Variants in DPYD observed in about 807,000 individuals in gnomAD.
DPYD encodes dihydropyrimidine dehydrogenase.
Under a neutral mutation model 116.2 loss-of-function variants are expected in DPYD, and 109 were observed. The observed-to-expected ratio is 0.94, with a 90% CI of 0.80 to 1.10. The LOEUF is 1.10. DPYD is among the 50% of genes least tolerant of loss of function. DPYD has a pLI of 0.00. For missense variants in DPYD, 1,302 were observed against 1,254.5 expected (o/e 1.04, Z -0.57); for synonymous variants, 440 against 432.0 (o/e 1.02, Z -0.23).
In DPYD at chr1:97,573,816, T is replaced by C. The variant is rs1653077353; in HGVS notation, c.1283A>G (p.His428Arg). The change falls in exon 11 of 23, where the codon CAT (histidine) becomes CGT (arginine). Residue 428 changes from histidine (H) to arginine (R), a missense_variant. By Grantham distance (29) the His-to-Arg change is conservative (BLOSUM62 0). Transcript: ENST00000370192. ...KWNEDEDQMVHLKADVVISAF... is the reference protein window; with the variant it reads ...KWNEDEDQMVRLKADVVISAF... ...ACTGATGACCACATCGGCTTTCAGA[T>C]GGACCATCTGATCTTCATCTTCATT... is the stretch of plus-strand genomic sequence containing the variant. 1 of 1,613,740 alleles carries C rather than the reference T, an allele frequency of 6.2e-7. No homozygotes were observed. Among genetic ancestry groups the C allele is most frequent in the Non-Finnish European group, 8.5e-7 (1 of 1,179,682 alleles).
chr1:97,397,511 C>T (rs1380098708), intron 14 of DPYD, among the ~76,000 whole-genome samples: 12 of 151,934 alleles, frequency 7.9e-5, no homozygotes, highest in Admixed American at 3.3e-4. Flanking sequence ...CTGTGCTCCA[C>T]CTATTCATTC....
chr1:97,452,696 G>T (rs899539388), intron 13 of DPYD, among the ~76,000 whole-genome samples: 2 of 151,992 alleles, frequency 1.3e-5, no homozygotes, highest in South Asian at 4.2e-4. Flanking sequence ...GTGAGTTCTT[G>T]TAAGATGTGG....
intron 21 of DPYD, among the ~76,000 whole-genome samples, chr1:97,082,877 T>C (rs1410723636): frequency 1.3e-5 from 2 of 152,136 alleles, no homozygotes; most frequent in African/African-American, 4.8e-5. Context: ...AAAGTTTAGA[T>C]TGCTCATAAT....
chr1:97,599,860 C>CAAAAAAAAAAAAAAAAAAAAAAAAAA (rs56940277), intron 8 of DPYD, among the ~76,000 whole-genome samples: 1 of 36,442 alleles, frequency 2.7e-5, no homozygotes, highest in Admixed American at 5.0e-4. Context: ...CCCATCTCCA[C>CAAAAAAAAAAAAAAAAAAAAAAAAAA]AAAAAAAAAA....
intron 14 of DPYD, among the ~76,000 whole-genome samples, chr1:97,415,362 C>A (rs1674235294): frequency 6.6e-6 from 1 of 152,198 alleles, no homozygotes. Context: ...GAGACTCACA[C>A]TGTCACCCAG....
intron 16 of DPYD, among the ~76,000 whole-genome samples, chr1:97,323,129 G>T (rs1338552982): frequency 6.7e-6 from 1 of 149,202 alleles, no homozygotes; most frequent in Non-Finnish European, 1.5e-5. Flanking sequence ...ATATATGTGT[G>T]TGTGTTTATG....
chr1:97,537,660 G>C (rs1302949874), intron 12 of DPYD, among the ~76,000 whole-genome samples: 3 of 140,510 alleles, frequency 2.1e-5, no homozygotes, highest in Non-Finnish European at 4.7e-5. Flanking sequence ...ATAATTGTCT[G>C]TTCTTGTTTG....
intron 16 of DPYD, among the ~76,000 whole-genome samples, chr1:97,316,261 G>A (rs1008166563): frequency 6.6e-6 from 1 of 151,568 alleles, no homozygotes; most frequent in Admixed American, 6.6e-5. Flanking sequence ...AGACTGAGGA[G>A]GGTGGATCAC....
chr1:97,821,289 A>G (rs116060669), intron 3 of DPYD, among the ~76,000 whole-genome samples: 2,011 of 149,212 alleles, frequency 0.013, 30 homozygotes, highest in Non-Finnish European at 0.022. Context: ...CGAGACCGCA[A>G]CAATGCACTC....
intron 18 of DPYD, among the ~76,000 whole-genome samples, chr1:97,245,254 T>C (rs1307486833): frequency 2.6e-5 from 4 of 152,094 alleles, no homozygotes; most frequent in Non-Finnish European, 5.9e-5. Context: ...GGTTAGATAA[T>C]GCATTACAAC....
chr1:97,860,230 C>T (rs774717826), intron 2 of DPYD, among the ~76,000 whole-genome samples: 10 of 152,074 alleles, frequency 6.6e-5, no homozygotes, highest in Non-Finnish European at 1.3e-4. Context: ...ATAGTCCCAG[C>T]TACCCCAGAG....
intron 3 of DPYD, chr1:97,797,049 T>C (rs1012747235): frequency 2.0e-5 from 3 of 152,188 alleles, no homozygotes; most frequent in Non-Finnish European, 4.4e-5. Context: ...ATCTGTTGAC[T>C]GAACTAGTTC....
At chr1:97,382,555 C>A in intron 14 of DPYD, 94 bp from the exon 15 acceptor site, 6 of 676,730 alleles carry the variant, frequency 8.9e-6, no homozygotes, top group Non-Finnish European at 6.9e-6. Flanking sequence ...TAATGGTAAA[C>A]TATATTATAA....
chr1:97,348,575 C>T (rs1215637320), intron 16 of DPYD, among the ~76,000 whole-genome samples: 1 of 152,084 alleles, frequency 6.6e-6, no homozygotes, highest in Non-Finnish European at 1.5e-5. Context: ...ATTCCTTTTT[C>T]CTGAATTTTG....
At chr1:97,729,296 A>G (rs946660942) in intron 4 of DPYD, among the ~76,000 whole-genome samples, 1 of 152,118 alleles carries the variant, frequency 6.6e-6, no homozygotes, top group East Asian at 1.9e-4. Context: ...TGACTGGGGA[A>G]ATGTCATATC....
rs760169185 is a variant in DPYD at position 97,691,681 on chromosome 1, T to C, written c.762+36A>G. The C allele has an allele frequency of 7.7e-6, 12 of 1,550,602 alleles. 1 individual carries two copies. The South Asian group carries it at 1.1e-4, about 14-fold the overall frequency. On this transcript the variant is annotated intron_variant, in intron 7 of 22. Transcript: ENST00000370192. ...TAGTGTAGAGCTTACTCCTTTCTTT[T>C]TGAGCAGTACACAGATAGGTGTTTT...
intron 2 of DPYD, among the ~76,000 whole-genome samples, chr1:97,857,750 C>A (rs1388195870): frequency 6.6e-6 from 1 of 152,216 alleles, no homozygotes. Context: ...ATTAGTCAAA[C>A]CCAAAGAGGT....
intron 19 of DPYD, among the ~76,000 whole-genome samples, chr1:97,224,825 T>C (rs922627530): frequency 6.6e-6 from 1 of 151,980 alleles, no homozygotes. Flanking sequence ...TCATTTATTT[T>C]GACACAAATG....
intron 14 of DPYD, among the ~76,000 whole-genome samples, chr1:97,442,587 G>T (rs1439513345): frequency 2.0e-5 from 3 of 151,790 alleles, no homozygotes; most frequent in African/African-American, 7.3e-5. Flanking sequence ...TTAATGAGAA[G>T]CTGTGAAGTA....
Sources: allele counts gnomAD v4.1 joint callset (sites outside exome capture counted in the v4.1 genomes callset), GRCh38; gene constraint gnomAD v4.1.1; transcripts MANE v1.5; gene names NCBI Gene and HGNC (gene_info 2026-07-23, HGNC 2026-07-21).